Variants in PTPRD observed in about 807,000 individuals in gnomAD.
PTPRD encodes the protein receptor-type tyrosine-protein phosphatase delta.
PTPRD carries 34 observed loss-of-function variants against 214.5 expected under a neutral mutation model. That is an observed-to-expected ratio of 0.16 (90% CI 0.12 to 0.21). PTPRD has a LOEUF of 0.21. Among genes scored for constraint, PTPRD ranks in the 10% least tolerant of loss-of-function variants. The pLI, the probability that PTPRD is intolerant of heterozygous loss-of-function variation, is 1.00. For synonymous variants in PTPRD, 1,128 were observed against 845.7 expected, an observed-to-expected ratio of 1.33 and a Z score of -5.79; for missense variants, 2,545 against 2,398.7, an observed-to-expected ratio of 1.06 and a Z score of -1.27.
chr9:9,472,787 C>A (rs1370717783), intron 8 of PTPRD, among the ~76,000 whole-genome samples: 2 of 152,120 alleles, frequency 1.3e-5, no homozygotes, highest in African/African-American at 4.8e-5. Flanking sequence ...CAATTTAAAA[C>A]TGAAATAAAA....
chr9:8,885,209 C>G (rs1316367109), intron 11 of PTPRD, among the ~76,000 whole-genome samples: 1 of 152,104 alleles, frequency 6.6e-6, no homozygotes, highest in Non-Finnish European at 1.5e-5. Flanking sequence ...TTTACTTATT[C>G]ACCATTCTGC....
chr9:8,923,110 C>A (rs116320709), intron 11 of PTPRD, among the ~76,000 whole-genome samples: 1 of 150,962 alleles, frequency 6.6e-6, no homozygotes, highest in South Asian at 2.1e-4. Flanking sequence ...GGTGTGGTCT[C>A]GGTTCACTGA....
At chr9:10,437,380 T>C (rs2098726823) in intron 2 of PTPRD, among the ~76,000 whole-genome samples, 1 of 151,832 alleles carries the variant, frequency 6.6e-6, no homozygotes, top group Admixed American at 6.6e-5. Context: ...CCAGATACTG[T>C]TTAAGGTGTT....
intron 9 of PTPRD, among the ~76,000 whole-genome samples, chr9:9,238,886 G>C (rs905513389): frequency 1.3e-4 from 20 of 152,048 alleles, no homozygotes; most frequent in African/African-American, 4.1e-4. Context: ...TTTTGAATAA[G>C]CTTCTTAATT....
At chr9:9,981,264 G>T (rs947128531) in intron 4 of PTPRD, among the ~76,000 whole-genome samples, 1 of 151,742 alleles carries the variant, frequency 6.6e-6, no homozygotes, top group African/African-American at 2.4e-5. Context: ...AGTTTCAAAC[G>T]CAGTTTTAAC....
chr9:9,453,851 G>A (rs992071361), intron 8 of PTPRD, among the ~76,000 whole-genome samples: 3 of 151,670 alleles, frequency 2.0e-5, no homozygotes, highest in African/African-American at 7.3e-5. Flanking sequence ...GAGAAACTCA[G>A]AAGGATAATT....
intron 2 of PTPRD, among the ~76,000 whole-genome samples, chr9:10,502,758 C>A (rs2044211180): frequency 6.6e-6 from 1 of 151,942 alleles, no homozygotes; most frequent in Admixed American, 6.6e-5. Flanking sequence ...AGTTATCTAG[C>A]AAAGAAACCA....
intron 10 of PTPRD, among the ~76,000 whole-genome samples, chr9:9,102,463 G>C (rs767601701): frequency 6.6e-6 from 1 of 152,172 alleles, no homozygotes; most frequent in African/African-American, 2.4e-5. Context: ...GCCAGCCAAG[G>C]GGGTAGAGAG....
At position 9,935,652 on chromosome 9, in the gene PTPRD, C is replaced by T. The variant is rs915696821; in HGVS notation, c.-368+2855G>A. On this transcript the variant is annotated intron_variant, in intron 5 of 45. Transcript: ENST00000381196. ...ATATCGTGAAAATGGCCATACTGCC[C>T]AAGGTAATTTACAGATTCAATGCCA... Among the ~76,000 whole-genome samples, 1,011 of 148,000 alleles carry T rather than the reference C, an allele frequency of 6.8e-3. 7 individuals carry two copies. The highest frequency in any genetic ancestry group is 0.014 in the Middle Eastern group (4 of 292).
At chr9:10,466,156 A>G (rs2098992051) in intron 2 of PTPRD, among the ~76,000 whole-genome samples, 1 of 152,116 alleles carries the variant, frequency 6.6e-6, no homozygotes, top group African/African-American at 2.4e-5. Context: ...CAACAATCAG[A>G]TGAGGTAAGT....
rs2094486285 is a variant in PTPRD, at chr9:9,963,412, C to T, written c.-471-24802G>A. Among the ~76,000 whole-genome samples, 3 of 139,346 alleles carry T rather than the reference C, an allele frequency of 2.2e-5. No homozygotes were observed. The South Asian group carries it at 6.4e-4, about 30-fold the overall frequency. The allele number at this position is 139,346 out of a possible 152,430, so 91.4% of individuals were successfully genotyped here. ...AAATGCCTCTAAGTGTAAATAGTTT[C>T]TCCTTTATAACTTTATAATTAACCT... is the stretch of plus-strand genomic sequence containing the variant. On this transcript the variant is annotated intron_variant, in intron 4 of 45. Transcript: ENST00000381196.
At chr9:10,030,396 C>G (rs1354991566) in intron 4 of PTPRD, among the ~76,000 whole-genome samples, 1 of 152,082 alleles carries the variant, frequency 6.6e-6, no homozygotes, top group Non-Finnish European at 1.5e-5. Flanking sequence ...AGGTAAGCAG[C>G]TAATGTGCTA....
chr9:9,764,490 C>T (rs1459971900), intron 6 of PTPRD, among the ~76,000 whole-genome samples: 1 of 152,074 alleles, frequency 6.6e-6, no homozygotes. Context: ...CATGTGCTTA[C>T]ATAACTCAAA....
At chr9:10,471,328 A>C (rs748281758) in intron 2 of PTPRD, among the ~76,000 whole-genome samples, 24 of 152,080 alleles carry the variant, frequency 1.6e-4, no homozygotes, top group Non-Finnish European at 3.2e-4. Flanking sequence ...ATAAAATGTC[A>C]ATCTCTACTG....
At chr9:8,920,515 G>C (rs1388258543) in intron 11 of PTPRD, among the ~76,000 whole-genome samples, 1 of 151,996 alleles carries the variant, frequency 6.6e-6, no homozygotes, top group Non-Finnish European at 1.5e-5. Context: ...GCTTCCCTGG[G>C]CCACACTGGA....
chr9:9,848,065 G>T (rs1012303709), intron 5 of PTPRD, among the ~76,000 whole-genome samples: 6 of 152,134 alleles, frequency 3.9e-5, no homozygotes, highest in African/African-American at 1.4e-4. Flanking sequence ...CAGATGAGCT[G>T]AGATGCCAAA....
intron 5 of PTPRD, among the ~76,000 whole-genome samples, chr9:9,883,078 G>A (rs1271693361): frequency 6.6e-6 from 1 of 152,062 alleles, no homozygotes; most frequent in African/African-American, 2.4e-5. Context: ...AGAACTATGA[G>A]CCATATAAGC....
intron 3 of PTPRD, among the ~76,000 whole-genome samples, chr9:10,281,598 A>G (rs971529778): frequency 1.1e-4 from 17 of 152,180 alleles, no homozygotes; most frequent in South Asian, 4.1e-4. Flanking sequence ...TGTAATCCCA[A>G]TTGAATTTTA....
intron 5 of PTPRD, among the ~76,000 whole-genome samples, chr9:9,903,181 G>A (rs1271593833): frequency 2.0e-5 from 3 of 152,058 alleles, no homozygotes; most frequent in Non-Finnish European, 2.9e-5. Context: ...TATATATCTT[G>A]CATAGCAGAA....
Sources: allele counts gnomAD v4.1 joint callset (sites outside exome capture counted in the v4.1 genomes callset), GRCh38; gene constraint gnomAD v4.1.1; transcripts MANE v1.5; gene names NCBI Gene and HGNC (gene_info 2026-07-23, HGNC 2026-07-21).